Variants in PCDHGB3 observed in about 807,000 individuals in gnomAD.
PCDHGB3 encodes the protein protocadherin gamma subfamily B, 3.
PCDHGB3 carries 40 observed loss-of-function variants against 59.2 expected under a neutral mutation model. The observed-to-expected ratio is 0.68, with a 90% CI of 0.52 to 0.88. PCDHGB3 has a LOEUF of 0.88. PCDHGB3 is among the 40% of genes least tolerant of loss of function. PCDHGB3 has a pLI of 0.00. For synonymous variants in PCDHGB3, 581 were observed against 503.6 expected (o/e 1.15, Z -2.06); for missense variants, 1,309 against 1,187.9 (o/e 1.10, Z -1.50).
intron 1 of PCDHGB3, chr5:141,478,229 T>C: frequency 6.2e-7 from 1 of 1,614,074 alleles, no homozygotes; most frequent in Non-Finnish European, 8.5e-7. Flanking sequence ...TTCTGTGGGG[T>C]TTGTGGTCAC....
chr5:141,393,881 G>A (rs1003319572), intron 1 of PCDHGB3: 33 of 1,613,978 alleles, frequency 2.0e-5, no homozygotes, highest in Non-Finnish European at 2.8e-5. Context: ...TTAGCCCAGT[G>A]TTAGAAAATT....
In PCDHGB3 at chr5:141,486,440, A is replaced by G; in HGVS notation, c.2416-8367A>G. 6.2e-7 allele frequency: 1 copy of G among 1,614,114 alleles called. No individual in the cohort carries two copies. The highest frequency in any genetic ancestry group is 8.5e-7 in the Non-Finnish European group (1 of 1,179,936). On this transcript the variant is annotated intron_variant, in intron 1 of 3. Coordinates refer to ENST00000576222, the MANE Select transcript of PCDHGB3 (RefSeq NM_018924.5). This position sits in a 1 kb window ranked among gnomAD's most constrained non-coding sequence, Gnocchi z 5.0. ...TCGAGAGGCCAAATCTAGCTATGACATCATGGTCACTGCTTCTGATGCTGG... is the reference window on the plus strand; with the variant it reads ...TCGAGAGGCCAAATCTAGCTATGACGTCATGGTCACTGCTTCTGATGCTGG...
chr5:141,428,116 A>G, intron 1 of PCDHGB3: 1 of 1,607,216 alleles, frequency 6.2e-7, no homozygotes, highest in Non-Finnish European at 8.5e-7. Flanking sequence ...CAGGCCATCG[A>G]GCCCGGGCTT....
intron 1 of PCDHGB3, chr5:141,394,696 C>A: frequency 6.2e-7 from 1 of 1,613,046 alleles, no homozygotes; most frequent in Non-Finnish European, 8.5e-7. Flanking sequence ...GAGGTGCGCA[C>A]GGCGCGAGCC....
intron 1 of PCDHGB3, chr5:141,427,507 T>A: frequency 1.7e-6 from 1 of 584,928 alleles, no homozygotes; most frequent in Non-Finnish European, 3.2e-6. Context: ...GATGGGACCC[T>A]GGATTGGGAG....
rs775989253 is a variant in PCDHGB3 at position 141,491,769 on chromosome 5, G to A, written c.2416-3038G>A. On this transcript the variant is annotated intron_variant, in intron 1 of 3. Transcript: ENST00000576222. The surrounding 1 kb of genome is among the most constrained non-coding windows in gnomAD (Gnocchi z 6.9). ...CTGGAGAAGCCGCCCGTCCTCATAA[G>A]GGATTGAACTTGCATCCACTCCTCT... 6.4e-7 allele frequency: 1 copy of A among 1,562,376 alleles called. No homozygotes were observed. Among genetic ancestry groups the A allele is most frequent in the African/African-American group, 1.4e-5 (1 of 73,058 alleles).
chr5:141,413,483 G>A (rs2095646690), intron 1 of PCDHGB3: 1 of 1,614,080 alleles, frequency 6.2e-7, no homozygotes, highest in East Asian at 2.2e-5. Flanking sequence ...TGCGCTCAGA[G>A]CGCGCGGTGC....
In PCDHGB3 at chr5:141,431,553, A is replaced by G; in HGVS notation, c.2415+58744A>G. ...TTGGGCACGCAGCTGCTTGTAGTCA[A>G]CGCTACCGACCCTGACGAAGGAGTC... On this transcript the variant is annotated intron_variant, in intron 1 of 3. Transcript: ENST00000576222. The surrounding 1 kb of genome is among the most constrained non-coding windows in gnomAD (Gnocchi z 4.8). 1.2e-6 allele frequency: 2 copies of G among 1,614,112 alleles called. No individual in the cohort carries two copies. Among genetic ancestry groups the G allele is most frequent in the Non-Finnish European group, 1.7e-6 (2 of 1,180,020 alleles).
intron 1 of PCDHGB3, chr5:141,395,603 G>C: frequency 5.0e-6 from 1 of 198,204 alleles, no homozygotes; most frequent in Non-Finnish European, 1.0e-5. Context: ...TCCCAAACTA[G>C]AACTTCAGAA....
rs1328476453 is a variant in PCDHGB3, at chr5:141,431,444, C to T, written c.2415+58635C>T. 4.3e-6 allele frequency: 7 copies of T among 1,613,732 alleles called. No homozygotes were observed. The highest frequency in any genetic ancestry group is 5.9e-6 in the Non-Finnish European group (7 of 1,180,022). On this transcript the variant is annotated intron_variant, in intron 1 of 3. Transcript: ENST00000576222. The surrounding 1 kb of genome is among the most constrained non-coding windows in gnomAD (Gnocchi z 4.8). ...GGTGCGCACAGGCACCGCGCGCATCCGCGTGATGGTTCTGGATGCGAACGA... is the reference window on the plus strand; with the variant it reads ...GGTGCGCACAGGCACCGCGCGCATCTGCGTGATGGTTCTGGATGCGAACGA...
intron 1 of PCDHGB3, among the ~76,000 whole-genome samples, chr5:141,468,046 C>T (rs540273405): frequency 1.3e-4 from 20 of 152,174 alleles, no homozygotes; most frequent in Non-Finnish European, 2.8e-4. Flanking sequence ...AAAACTAAGC[C>T]GGGCACAGTG....
chr5:141,490,142 C>T lies in PCDHGB3; in HGVS notation c.2416-4665C>T. On this transcript the variant is annotated intron_variant, in intron 1 of 3. Transcript: ENST00000576222. This position sits in a 1 kb window ranked among gnomAD's most constrained non-coding sequence, Gnocchi z 5.4. ...TTTGGCCTAGACCCTAGCAGTGGGG[C>T]AATCCATGTGTTGGGTCCCATAGAC... 2 of 1,614,220 alleles carry T rather than the reference C, an allele frequency of 1.2e-6. No individual in the cohort carries two copies. Among genetic ancestry groups the T allele is most frequent in the South Asian group, 1.1e-5 (1 of 91,088 alleles).
At chr5:141,398,908 G>C (rs2093725359) in intron 1 of PCDHGB3, 1 of 1,613,860 alleles carries the variant, frequency 6.2e-7, no homozygotes, top group South Asian at 1.1e-5. Flanking sequence ...AGGCACCACT[G>C]TGTTGCAAGT....
intron 1 of PCDHGB3, chr5:141,389,425 C>G (rs1464186383): frequency 6.2e-7 from 1 of 1,613,500 alleles, no homozygotes. Context: ...GTGGTGTTCG[C>G]GCAGCGCGCC....
At chr5:141,449,726 TTTTTTATGACATGATTA>T (rs2098653732) in intron 1 of PCDHGB3, among the ~76,000 whole-genome samples, 1 of 151,792 alleles carries the variant, frequency 6.6e-6, no homozygotes, top group Admixed American at 6.6e-5. Flanking sequence ...ATGATATGAT[TTTTTTATGACATGATTA>T]TTTTTATGAC....
rs1256615029 is a variant in PCDHGB3 at position 141,512,740 on chromosome 5, C to T, written c.*1567C>T. ...GCGGGTGGGCAGCGGGCGGCGGGCT[C>T]CGCGCAGCCGTCTGTCCTTGATCTG... On this transcript the variant is annotated 3_prime_UTR_variant, in exon 4 of 4. Transcript: ENST00000576222. 1 of 152,788 alleles carries T rather than the reference C, an allele frequency of 6.5e-6. No individual in the cohort carries two copies. The highest frequency in any genetic ancestry group is 1.5e-5 in the Non-Finnish European group (1 of 68,570). The allele number at this position is 152,788 out of a possible 1,614,324, so 9.5% of individuals were successfully genotyped here.
At chr5:141,405,422 GTT>G in intron 1 of PCDHGB3, 2 of 1,509,830 alleles carry the variant, frequency 1.3e-6, no homozygotes, top group Non-Finnish European at 1.8e-6. Context: ...TTTGTTTTTT[GTT>G]TTGTTTTGTT....
intron 1 of PCDHGB3, among the ~76,000 whole-genome samples, chr5:141,492,341 C>T (rs2099739551): frequency 6.6e-6 from 1 of 152,222 alleles, no homozygotes; most frequent in East Asian, 1.9e-4. Flanking sequence ...CGAATACCAG[C>T]TTTCACTGCC....
chr5:141,389,085 A>T (rs2091598298), intron 1 of PCDHGB3: 6 of 1,614,054 alleles, frequency 3.7e-6, no homozygotes, highest in Non-Finnish European at 5.1e-6. Context: ...AAACACGTAT[A>T]AATTAGTGAC....
Sources: allele counts gnomAD v4.1 joint callset (sites outside exome capture counted in the v4.1 genomes callset), GRCh38; gene constraint gnomAD v4.1.1; non-coding constraint Gnocchi (gnomAD v3.1); transcripts MANE v1.5; gene names NCBI Gene and HGNC (gene_info 2026-07-23, HGNC 2026-07-21).